CD200: variants seen among roughly 807,000 people sequenced by gnomAD.
The protein encoded by CD200 is CD200 molecule, also known as OX-2 membrane glycoprotein.
Under a neutral mutation model 30.9 loss-of-function variants are expected in CD200, and 15 were observed. That is an observed-to-expected ratio of 0.49 (90% CI 0.32 to 0.75). CD200 has a LOEUF of 0.75. CD200 is among the 30% of genes least tolerant of loss of function. The pLI is 0.03. For missense variants in CD200, 262 were observed against 324.2 expected (o/e 0.81, Z 1.47); for synonymous variants, 134 against 126.2 (o/e 1.06, Z -0.41).
chr3:112,340,096 T>G (rs1226047080), intron 1 of CD200, among the ~76,000 whole-genome samples: 1 of 152,142 alleles, frequency 6.6e-6, no homozygotes, highest in African/African-American at 2.4e-5. Flanking sequence ...AGATAAAAGT[T>G]ACATTTTTTA....
chr3:112,342,325 CT>C (rs1201539429), intron 2 of CD200, among the ~76,000 whole-genome samples: 3,108 of 25,810 alleles, frequency 0.12, 517 homozygotes, highest in Middle Eastern at 0.24. Flanking sequence ...TTCTTTCTTT[CT>C]TTCTTTCTTT....
At position 112,351,887 on chromosome 3, in the gene CD200, G is replaced by A. The variant is rs542481275; in HGVS notation, c.802+2068G>A. On this transcript the variant is annotated intron_variant, in intron 5 of 5. Transcript: ENST00000315711. ...CCAGTGTGTGCAGAGATCAGATGGC[G>A]AGACAGGAAAATAAAAGAGGGTGCT... Among the ~76,000 whole-genome samples, 10 of 152,242 alleles carry A rather than the reference G, an allele frequency of 6.6e-5. No individual in the cohort carries two copies. In the East Asian group the frequency reaches 1.2e-3, roughly 18 times the overall value.
upstream of CD200, chr3:112,333,032 C>T (rs1051845538): frequency 2.5e-6 from 2 of 811,720 alleles, no homozygotes; most frequent in African/African-American, 1.7e-5. Flanking sequence ...TAATTCCCCC[C>T]ACACAGACAG....
At chr3:112,342,309 T>TTCCTTCCTTCCTTC (rs2081258768) in intron 2 of CD200, among the ~76,000 whole-genome samples, 3 of 72,494 alleles carry the variant, frequency 4.1e-5, no homozygotes, top group African/African-American at 5.8e-5. Context: ...TTCCTTCCTT[T>TTCCTTCCTTCCTTC]CTTCTTTCTT....
chr3:112,358,893 A>G (rs2108475501), intron 5 of CD200, among the ~76,000 whole-genome samples: 1 of 152,242 alleles, frequency 6.6e-6, no homozygotes, highest in African/African-American at 2.4e-5. Flanking sequence ...CAAGAAACAA[A>G]AGAGAGAAAG....
At chr3:112,351,310 T>C (rs1012126395) in intron 5 of CD200, among the ~76,000 whole-genome samples, 9 of 152,320 alleles carry the variant, frequency 5.9e-5, no homozygotes, top group Admixed American at 5.9e-4. Flanking sequence ...GTGCTTACTG[T>C]CTATGCCCTT....
In CD200 at chr3:112,347,544, A is replaced by AT. The variant is rs750608220; in HGVS notation, c.422-8dup. On this transcript the variant is annotated splice_polypyrimidine_tract_variant and intron_variant, in intron 3 of 5. Coordinates refer to ENST00000315711, the MANE Select transcript of CD200 (RefSeq NM_005944.7). ...GCTTAACTGATAACAGATCATATTT[A>AT]TTTTTTGTCCCAGTACAGCCCATAG... 2.5e-6 allele frequency: 4 copies of AT among 1,612,334 alleles called. No individual in the cohort carries two copies. Among genetic ancestry groups the AT allele is most frequent in the Admixed American group, 1.7e-5 (1 of 59,982 alleles).
Position 112,345,158 on chromosome 3 carries a change from C to G in CD200, c.291C>G (p.Thr97=). 2.5e-6 allele frequency: 4 copies of G among 1,614,080 alleles called. No individual in the cohort carries two copies. Among genetic ancestry groups the G allele is most frequent in the Non-Finnish European group, 3.4e-6 (4 of 1,179,972 alleles). The change falls in exon 3 of 6, where the codon ACC becomes ACG. Residue 97 remains threonine, a synonymous_variant. Transcript: ENST00000315711. The part of the protein sequence containing the change: ...QPAYKDKINI[T]QLGLQNSTIT... ...CCTATAAGGACAAGATAAACATTAC[C>G]CAGCTGGGACTCCAAAACTCAACCA...
intron 2 of CD200, among the ~76,000 whole-genome samples, chr3:112,341,942 A>G (rs113925978): frequency 1.3e-3 from 192 of 152,276 alleles, no homozygotes; most frequent in African/African-American, 4.4e-3. Context: ...GTTTTGAATC[A>G]TGCAATACTC....
At position 112,362,560 on chromosome 3, in the gene CD200, CT is replaced by C. The variant is rs1405132316; in HGVS notation, c.*1013del. ...GGAGGCAAATATGAGCATACAATCC[CT>C]TTGTTCTAAAGATATTGTTCCAGCT... On this transcript the variant is annotated 3_prime_UTR_variant, in exon 6 of 6. Transcript: ENST00000315711. The C allele has an allele frequency of 6.6e-6, 1 of 152,578 alleles. No individual in the cohort carries two copies. Among genetic ancestry groups the C allele is most frequent in the Non-Finnish European group, 1.5e-5 (1 of 68,030 alleles). The allele number at this position is 152,578 out of a possible 1,614,324, so 9.5% of individuals were successfully genotyped here.
At chr3:112,334,303 G>GT (rs2081064228) in intron 1 of CD200, 1 of 971,608 alleles carries the variant, frequency 1.0e-6, no homozygotes, top group Non-Finnish European at 1.2e-6. Context: ...CAGCTGTCTG[G>GT]TAAGACCCAG....
At chr3:112,357,370 T>G (rs773563556) in intron 5 of CD200, among the ~76,000 whole-genome samples, 9 of 152,112 alleles carry the variant, frequency 5.9e-5, no homozygotes, top group Non-Finnish European at 1.0e-4. Context: ...TATTTGTAGC[T>G]GTCGCCAACT....
chr3:112,350,110 C>T, intron 5 of CD200: 1 of 288,048 alleles, frequency 3.5e-6, no homozygotes, highest in Non-Finnish European at 5.2e-6. Flanking sequence ...ACACAAGGCC[C>T]TTTCCACTCA....
Position 112,335,443 on chromosome 3 carries a change from A to G in CD200, c.12+2219A>G, listed in dbSNP as rs572154189. The stretch of plus-strand genomic sequence containing the variant: ...TAATAAAATATATCTGCAAAGAATA[A>G]TTTGTCCTAATGGCACCTTCAGATG... On this transcript the variant is annotated intron_variant, in intron 1 of 5. Coordinates refer to ENST00000315711, the MANE Select transcript of CD200 (RefSeq NM_005944.7). 4.7e-4 allele frequency among the ~76,000 whole-genome samples: 71 copies of G among 152,356 alleles called. 1 individual carries two copies. The highest frequency in any genetic ancestry group is 8.7e-4 in the Non-Finnish European group (59 of 68,038).
intron 1 of CD200, chr3:112,334,401 G>A (rs1199998665): frequency 8.9e-6 from 2 of 223,814 alleles, no homozygotes; most frequent in Non-Finnish European, 1.5e-5. Context: ...TGATTTGATC[G>A]ATTAATTTTT....
intron 5 of CD200, among the ~76,000 whole-genome samples, chr3:112,354,989 C>T (rs544037307): frequency 1.6e-3 from 241 of 152,268 alleles, no homozygotes; most frequent in Non-Finnish European, 2.7e-3. Flanking sequence ...ACAATGGGCC[C>T]AACTGCATAA....
At position 112,336,159 on chromosome 3, in the gene CD200, C is replaced by T. The variant is rs1179667317; in HGVS notation, c.12+2935C>T. On this transcript the variant is annotated intron_variant, in intron 1 of 5. Transcript: ENST00000315711. Reference sequence around the variant, plus strand: ...TTTGGTACTTCCTCTTGAAATTTCCCTCATTAAGTTTAGGTCGTGGCTGTT... The same window carrying T: ...TTTGGTACTTCCTCTTGAAATTTCCTTCATTAAGTTTAGGTCGTGGCTGTT... The T allele has an allele frequency of 4.7e-6, 3 of 644,330 alleles. No homozygotes were observed. The South Asian group carries it at 5.5e-5, about 12-fold the overall frequency. The allele number at this position is 644,330 out of a possible 1,614,324, so 39.9% of individuals were successfully genotyped here.
intron 5 of CD200, among the ~76,000 whole-genome samples, chr3:112,356,051 T>G (rs2081618346): frequency 1.3e-5 from 2 of 152,172 alleles, no homozygotes; most frequent in Non-Finnish European, 2.9e-5. Flanking sequence ...AGTTCCGCAT[T>G]TCATGAGGCA....
chr3:112,355,474 CCTTT>C (rs2081607321), intron 5 of CD200, among the ~76,000 whole-genome samples: 1 of 152,142 alleles, frequency 6.6e-6, no homozygotes, highest in African/African-American at 2.4e-5. Context: ...ATTCTGACTT[CCTTT>C]GTCTTCGTCA....
Sources: allele counts gnomAD v4.1 joint callset (sites outside exome capture counted in the v4.1 genomes callset), GRCh38; gene constraint gnomAD v4.1.1; transcripts MANE v1.5; gene names NCBI Gene and HGNC (gene_info 2026-07-23, HGNC 2026-07-21).